The following FAM153A variants were observed in gnomAD, a reference collection of about 807,000 sequenced individuals.
The protein encoded by FAM153A is family with sequence similarity 153 member A, also known as protein FAM153A.
In FAM153A, 12 loss-of-function variants were observed where a neutral mutation model predicts 48.1. That is an observed-to-expected ratio of 0.25 (90% CI 0.16 to 0.40). The LOEUF (loss-of-function observed/expected upper bound fraction) is 0.40. Among genes scored for constraint, FAM153A ranks in the 10% least tolerant of loss-of-function variants. FAM153A has a pLI of 1.00. For synonymous variants in FAM153A, 36 were observed against 118.2 expected (o/e 0.30, Z 4.51); for missense variants, 111 against 345.8 (o/e 0.32, Z 5.38).
intron 1 of FAM153A, among the ~76,000 whole-genome samples, chr5:177,768,217 A>G (rs1166744061): frequency 1.4e-5 from 2 of 141,562 alleles, no homozygotes; most frequent in African/African-American, 5.4e-5. Context: ...AGTATGGGGG[A>G]GGTGGCACAG....
chr5:177,705,389 C>G (rs186371677), downstream of FAM153A, among the ~76,000 whole-genome samples: 415 of 146,028 alleles, frequency 2.8e-3, 5 homozygotes, highest in African/African-American at 0.01. Flanking sequence ...TCTCCTTTGC[C>G]TTCTGCCATG....
downstream of FAM153A, among the ~76,000 whole-genome samples, chr5:177,721,693 ATTT>A (rs4045860): frequency 1.5e-4 from 9 of 59,938 alleles, no homozygotes; most frequent in Middle Eastern, 6.2e-3. Flanking sequence ...TAATTAAAGG[ATTT>A]TTTTTTTTTT....
At chr5:177,700,644 A>G in the FAM153A span, among the ~76,000 whole-genome samples, 5 of 151,952 alleles carry the variant, frequency 3.3e-5, no homozygotes, top group African/African-American at 1.2e-4. Context: ...TCTACTAAAA[A>G]TATAAACATT....
upstream of FAM153A, among the ~76,000 whole-genome samples, chr5:177,756,128 G>T (rs1182126821): frequency 1.3e-5 from 2 of 150,590 alleles, no homozygotes; most frequent in African/African-American, 5.0e-5. Flanking sequence ...TCAGAATAAA[G>T]GGATGGAGGA....
At chr5:177,695,481 C>A in the FAM153A span, among the ~76,000 whole-genome samples, 1 of 152,190 alleles carries the variant, frequency 6.6e-6, no homozygotes, top group Non-Finnish European at 1.5e-5. Flanking sequence ...ATGCTGCCTT[C>A]AGGCATCTGT....
At chr5:177,758,666 A>G (rs1474804360) in intron 1 of FAM153A, among the ~76,000 whole-genome samples, 1 of 150,618 alleles carries the variant, frequency 6.6e-6, no homozygotes, top group Non-Finnish European at 1.5e-5. Context: ...CTCAGAAATA[A>G]TGCCACATAT....
At chr5:177,725,747 C>A (rs1762311970) in intron 18 of FAM153A, among the ~76,000 whole-genome samples, 1 of 151,782 alleles carries the variant, frequency 6.6e-6, no homozygotes, top group Non-Finnish European at 1.5e-5. Context: ...GAGGCTCTGC[C>A]CTGGGCCCAG....
At chr5:177,766,100 G>A (rs1768734135) in intron 1 of FAM153A, among the ~76,000 whole-genome samples, 1 of 107,488 alleles carries the variant, frequency 9.3e-6, no homozygotes, top group African/African-American at 3.1e-5. Flanking sequence ...CTGGGCAGCA[G>A]AGAGAGACTG....
At chr5:177,699,229 A>G in the FAM153A span, among the ~76,000 whole-genome samples, 1 of 151,720 alleles carries the variant, frequency 6.6e-6, no homozygotes, top group Non-Finnish European at 1.5e-5. Flanking sequence ...AAATGCCTAT[A>G]TTGAAAAGAA....
chr5:177,755,085 G>A (rs1479745636), upstream of FAM153A, among the ~76,000 whole-genome samples: 1 of 151,662 alleles, frequency 6.6e-6, no homozygotes, highest in Non-Finnish European at 1.5e-5. Flanking sequence ...TAAAAACCTT[G>A]AAAAAAGATT....
downstream of FAM153A, among the ~76,000 whole-genome samples, chr5:177,710,431 T>G (rs1450733433): frequency 6.6e-6 from 1 of 151,644 alleles, no homozygotes; most frequent in African/African-American, 2.4e-5. Context: ...TTTAAAATCT[T>G]GTATATTGAT....
the FAM153A span, among the ~76,000 whole-genome samples, chr5:177,699,952 T>C: frequency 6.6e-6 from 1 of 151,368 alleles, no homozygotes; most frequent in Non-Finnish European, 1.5e-5. Flanking sequence ...GATATAAAAA[T>C]CCTTAACAAA....
At chr5:177,715,223 C>T (rs1759434369) in intron 25 of FAM153A, among the ~76,000 whole-genome samples, 1 of 151,798 alleles carries the variant, frequency 6.6e-6, no homozygotes, top group South Asian at 2.1e-4. Context: ...ACCTTGTGAT[C>T]CGTCTGCCTC....
intron 1 of FAM153A, among the ~76,000 whole-genome samples, chr5:177,759,336 G>A (rs1258927343): frequency 1.3e-5 from 2 of 151,758 alleles, no homozygotes; most frequent in Non-Finnish European, 2.9e-5. Flanking sequence ...TGGAGAGGAT[G>A]TGGAGAAATA....
chr5:177,738,744 A>G (rs1299140116), intron 10 of FAM153A, among the ~76,000 whole-genome samples: 4 of 151,444 alleles, frequency 2.6e-5, no homozygotes. Context: ...TAAGGTGTGC[A>G]GTGGTAATGG....
downstream of FAM153A, among the ~76,000 whole-genome samples, chr5:177,705,000 CAA>C (rs142700297): frequency 3.7e-5 from 5 of 136,394 alleles, no homozygotes; most frequent in Admixed American, 7.2e-5. Context: ...GACTCCATCT[CAA>C]AAAAAAAAAA....
Position 177,749,672 on chromosome 5 carries a change from C to T in FAM153A, c.176-973G>A, listed in dbSNP as rs369875753. On this transcript the variant is annotated intron_variant, in intron 2 of 20. Coordinates refer to ENST00000614127, the Ensembl canonical transcript of FAM153A. ...CTTGTCAGATTCAAGTGTCTATACC[C>T]ACAAATTTCCTAGCTTAGATGAAAT... Among the ~76,000 whole-genome samples the T allele has an allele frequency of 7.0e-3, 846 of 120,856 alleles. 17 individuals carry two copies. Among genetic ancestry groups the T allele is most frequent in the African/African-American group, 0.026 (790 of 30,520 alleles). 79.3% of individuals were successfully genotyped at this position (120,856 alleles called of 152,430 possible). A position where few individuals can be genotyped will look rare whatever the true frequency, so the allele number is the denominator to read the frequency against.
downstream of FAM153A, among the ~76,000 whole-genome samples, chr5:177,705,871 G>A (rs1467820506): frequency 2.6e-5 from 4 of 151,376 alleles, no homozygotes; most frequent in African/African-American, 9.8e-5. Context: ...TGTTGGCCAG[G>A]CTGGTCTTGA....
At chr5:177,697,556 C>G in the FAM153A span, among the ~76,000 whole-genome samples, 14 of 151,856 alleles carry the variant, frequency 9.2e-5, no homozygotes, top group African/African-American at 2.7e-4. Flanking sequence ...GTCTGGGATG[C>G]TTCTTACTGG....
Sources: gnomAD v4.1 joint callset for allele counts (sites outside exome capture counted in the v4.1 genomes callset) on GRCh38, gnomAD v4.1.1 for gene constraint, MANE v1.5 for transcripts, NCBI Gene and HGNC (gene_info 2026-07-23, HGNC 2026-07-21) for gene names.